The following TRPM6 variants were observed in gnomAD, a reference collection of about 807,000 sequenced individuals.
TRPM6 encodes the protein transient receptor potential cation channel subfamily M member 6.
Under a neutral mutation model 247.6 loss-of-function variants are expected in TRPM6, and 111 were observed. The observed-to-expected ratio is 0.45, with a 90% CI of 0.38 to 0.52. The LOEUF is 0.52. Ranked by LOEUF, TRPM6 falls within the 20% of genes least tolerant of loss-of-function variation. TRPM6 has a pLI of 0.00. For missense variants in TRPM6, 2,126 were observed against 2,421.5 expected (o/e 0.88, Z 2.56); for synonymous variants, 892 against 853.8 (o/e 1.04, Z -0.78).
intron 1 of TRPM6, among the ~76,000 whole-genome samples, chr9:74,884,541 A>ATACATACG (rs1831471383): frequency 6.6e-6 from 1 of 151,592 alleles, no homozygotes; most frequent in South Asian, 2.1e-4. Flanking sequence ...ACATACATAC[A>ATACATACG]TACGTATATA....
intron 37 of TRPM6, among the ~76,000 whole-genome samples, chr9:74,731,517 CT>C (rs1365621410): frequency 3.3e-5 from 5 of 151,690 alleles, no homozygotes; most frequent in Admixed American, 6.6e-5. Flanking sequence ...TCTAGTTCAC[CT>C]AGTCCAATTA....
chr9:74,858,389 A>AAAAAAACAAAAAAAC (rs142488578), intron 2 of TRPM6, among the ~76,000 whole-genome samples: 1 of 151,932 alleles, frequency 6.6e-6, no homozygotes, highest in Non-Finnish European at 1.5e-5. Context: ...CTTCGTCTCA[A>AAAAAAACAAAAAAAC]AAAAACAAAA....
Position 74,739,729 on chromosome 9 carries a change from G to A in TRPM6, c.5481C>T (p.Cys1827=), listed in dbSNP as rs150963618. The A allele has an allele frequency of 1.0e-4, 165 of 1,611,864 alleles. 1 individual carries two copies. The Middle Eastern group carries it at 1.5e-3, about 15-fold the overall frequency. The change falls in exon 34 of 39, where the codon TGC becomes TGT. Residue 1827 remains cysteine (C), a synonymous_variant. Transcript: ENST00000360774. ...IFQESTVLHL[C]LREIQQQRAA... ...CTCTGAGTTTCAGACTTACCCTGAG[G>A]CAAAGATGAAGCACAGTGCTCTCCT...
chr9:74,858,880 G>T, intron 1 of TRPM6, 132 bp from the exon 2 acceptor site: 1 of 680,446 alleles, frequency 1.5e-6, no homozygotes, highest in Non-Finnish European at 2.5e-6. Flanking sequence ...CCCCACACAG[G>T]CTAAGCATTT....
At chr9:74,858,525 T>TTA in intron 2 of TRPM6, 144 bp downstream of exon 2, 1 of 586,908 alleles carries the variant, frequency 1.7e-6, no homozygotes, top group Admixed American at 3.2e-5. Flanking sequence ...TGTATTATTT[T>TTA]TATAAAGTGA....
At position 74,744,076 on chromosome 9, in the gene TRPM6, A is replaced by G. The variant is rs769785666; in HGVS notation, c.5134+19T>C. 2.5e-6 allele frequency: 4 copies of G among 1,611,940 alleles called. No homozygotes were observed. The highest frequency in any genetic ancestry group is 4.5e-5 in the East Asian group (2 of 44,864). On this transcript the variant is annotated intron_variant, in intron 32 of 38. Transcript: ENST00000360774. ...GACATTTAGCTCAGCTGACATGTCT[A>G]TGTGCATATGCATCCTACCTGAATA... is the stretch of plus-strand genomic sequence containing the variant.
At chr9:74,724,812 T>C (rs577223006) in intron 38 of TRPM6, 66 bp from the exon 39 acceptor site, 610 of 1,605,900 alleles carry the variant, frequency 3.8e-4, no homozygotes, top group Non-Finnish European at 5.1e-4. Flanking sequence ...TGAAGACAAA[T>C]GGGACTTTAG....
chr9:74,783,281 C>G (rs763954819), intron 21 of TRPM6, among the ~76,000 whole-genome samples: 12 of 152,138 alleles, frequency 7.9e-5, no homozygotes, highest in Non-Finnish European at 1.2e-4. Context: ...AGAAACTGAT[C>G]AAGCCAGTTT....
intron 19 of TRPM6, among the ~76,000 whole-genome samples, chr9:74,791,842 G>A (rs570640464): frequency 1.3e-5 from 2 of 152,158 alleles, no homozygotes; most frequent in East Asian, 1.9e-4. Context: ...TGCAGGCTCT[G>A]CCCCCTGGGG....
At chr9:74,873,700 T>A (rs1011679327) in intron 1 of TRPM6, among the ~76,000 whole-genome samples, 1 of 152,182 alleles carries the variant, frequency 6.6e-6, no homozygotes, top group East Asian at 1.9e-4. Context: ...CTTATTTTAA[T>A]CTTTGAGGGA....
chr9:74,789,805 C>CA (rs1161142418), intron 19 of TRPM6, among the ~76,000 whole-genome samples: 2 of 151,528 alleles, frequency 1.3e-5, no homozygotes, highest in African/African-American at 4.8e-5. Flanking sequence ...ACTAAAAATA[C>CA]AAAAAATTAG....
chr9:74,852,450 C>CCTCCCTCTCCCTCTCCCT (rs201385236), intron 3 of TRPM6, among the ~76,000 whole-genome samples: 12 of 148,144 alleles, frequency 8.1e-5, no homozygotes, highest in African/African-American at 2.8e-4. Context: ...CGCTCCCCCT[C>CCTCCCTCTCCCTCTCCCT]CTCCCTCTCC....
chr9:74,809,804 C>A (rs369666967), intron 13 of TRPM6, among the ~76,000 whole-genome samples: 16 of 151,816 alleles, frequency 1.1e-4, no homozygotes, highest in South Asian at 8.3e-4. Flanking sequence ...CATGGTGAAA[C>A]CCCACGTCTA....
At chr9:74,809,139 C>T (rs1197409240) in intron 13 of TRPM6, among the ~76,000 whole-genome samples, 1 of 152,062 alleles carries the variant, frequency 6.6e-6, no homozygotes, top group Non-Finnish European at 1.5e-5. Context: ...AGTTCGAGAC[C>T]ACCACAATAA....
At chr9:74,871,387 A>T (rs1831024959) in intron 1 of TRPM6, among the ~76,000 whole-genome samples, 1 of 152,146 alleles carries the variant, frequency 6.6e-6, no homozygotes, top group South Asian at 2.1e-4. Context: ...TCTTACATAG[A>T]TATAGGCAAA....
rs1289156789 is a variant in TRPM6, at chr9:74,755,562, G to A, written c.4786-89C>T. The A allele has an allele frequency of 5.9e-6, 9 of 1,536,306 alleles. No homozygotes were observed. In the South Asian group the frequency reaches 1.0e-4, roughly 17 times the overall value. ...AACAGAAGCACCATGGTGAAGGGCA[G>A]TGTCTGTTAACACTGGCTGCATATG... On this transcript the variant is annotated intron_variant, in intron 27 of 38. Coordinates refer to ENST00000360774, the MANE Select transcript of TRPM6 (RefSeq NM_017662.5).
intron 20 of TRPM6, among the ~76,000 whole-genome samples, chr9:74,786,451 T>C (rs974391385): frequency 2.0e-5 from 3 of 152,112 alleles, no homozygotes; most frequent in Non-Finnish European, 4.4e-5. Flanking sequence ...TAAAACTCAA[T>C]ACTGCAGGCT....
chr9:74,815,849 T>C (rs1301951965), intron 11 of TRPM6, among the ~76,000 whole-genome samples: 1 of 152,222 alleles, frequency 6.6e-6, no homozygotes, highest in African/African-American at 2.4e-5. Context: ...GTGCATGTAT[T>C]AGCTTGGCCC....
intron 25 of TRPM6, among the ~76,000 whole-genome samples, chr9:74,764,675 T>C (rs1339575805): frequency 6.6e-6 from 1 of 152,212 alleles, no homozygotes; most frequent in Non-Finnish European, 1.5e-5. Context: ...CTAAACTTCA[T>C]GAGTGATGGA....
Sources: allele counts gnomAD v4.1 joint callset (sites outside exome capture counted in the v4.1 genomes callset), GRCh38; gene constraint gnomAD v4.1.1; transcripts MANE v1.5; gene names NCBI Gene and HGNC (gene_info 2026-07-23, HGNC 2026-07-21).